EDNRB: variants seen among roughly 807,000 people sequenced by gnomAD.
EDNRB encodes Hirschsprung disease 2.
In EDNRB, 18 loss-of-function variants were observed where a neutral mutation model predicts 46.4. That is an observed-to-expected ratio of 0.39 (90% CI 0.27 to 0.57). The LOEUF is 0.57. EDNRB is among the 20% of genes least tolerant of loss of function. The pLI, the probability that EDNRB is intolerant of heterozygous loss-of-function variation, is 0.61. For synonymous variants in EDNRB, 213 were observed against 204.9 expected (o/e 1.04, Z -0.34); for missense variants, 434 against 537.5 (o/e 0.81, Z 1.90).
At chr13:77,925,136 G>A (rs1880201126) in intron 1 of EDNRB, among the ~76,000 whole-genome samples, 1 of 152,174 alleles carries the variant, frequency 6.6e-6, no homozygotes, top group African/African-American at 2.4e-5. Context: ...TCATACAAAT[G>A]AAGTCATACT....
At chr13:77,968,657 T>C (rs922312638) in intron 1 of EDNRB, among the ~76,000 whole-genome samples, 2 of 152,162 alleles carry the variant, frequency 1.3e-5, no homozygotes, top group Admixed American at 1.3e-4. Flanking sequence ...AGAGAGCATG[T>C]GCTACGGATG....
At chr13:77,962,011 A>G (rs535596957) in intron 1 of EDNRB, among the ~76,000 whole-genome samples, 1 of 152,334 alleles carries the variant, frequency 6.6e-6, no homozygotes, top group Non-Finnish European at 1.5e-5. Context: ...CCTCTACGCA[A>G]ATAAACTAGA....
At chr13:77,927,375 G>A (rs539528053) in intron 1 of EDNRB, among the ~76,000 whole-genome samples, 44 of 152,276 alleles carry the variant, frequency 2.9e-4, no homozygotes, top group Non-Finnish European at 6.2e-4. Context: ...AATTATATAA[G>A]AAGAGTACAA....
At chr13:77,929,748 A>G (rs958016893) in intron 1 of EDNRB, among the ~76,000 whole-genome samples, 4 of 152,276 alleles carry the variant, frequency 2.6e-5, no homozygotes, top group Admixed American at 2.6e-4. Context: ...GGACTTCAGG[A>G]ACGCTGACTC....
chr13:77,947,250 T>G (rs1387824344), intron 1 of EDNRB, among the ~76,000 whole-genome samples: 1 of 152,078 alleles, frequency 6.6e-6, no homozygotes, highest in African/African-American at 2.4e-5. Flanking sequence ...ATAAAGAGGT[T>G]GGTTTTTATT....
At chr13:77,917,976 G>T in intron 1 of EDNRB, 115 bp downstream of exon 1, 3 of 1,515,146 alleles carry the variant, frequency 2.0e-6, no homozygotes, top group Non-Finnish European at 2.7e-6. Flanking sequence ...TTTAGGAGGG[G>T]CAGAACCTTA....
At chr13:77,940,408 T>C (rs533557530) in intron 1 of EDNRB, among the ~76,000 whole-genome samples, 1 of 152,020 alleles carries the variant, frequency 6.6e-6, no homozygotes, top group Non-Finnish European at 1.5e-5. Flanking sequence ...AAAATGGAGA[T>C]AGGGGATTTC....
chr13:77,941,562 C>T (rs974475893), intron 1 of EDNRB, among the ~76,000 whole-genome samples: 28 of 152,200 alleles, frequency 1.8e-4, no homozygotes, highest in African/African-American at 6.8e-4. Context: ...AGCTCATTTT[C>T]CTCACAGCAG....
At chr13:77,954,482 T>TTATTTATG in intron 1 of EDNRB, among the ~76,000 whole-genome samples, 1 of 34,524 alleles carries the variant, frequency 2.9e-5, no homozygotes, top group Non-Finnish European at 5.1e-5. Flanking sequence ...AAGAAAGTAT[T>TTATTTATG]TATTTATTTA....
At chr13:77,952,341 T>C (rs987435864) in intron 1 of EDNRB, among the ~76,000 whole-genome samples, 1 of 152,158 alleles carries the variant, frequency 6.6e-6, no homozygotes, top group Non-Finnish European at 1.5e-5. Flanking sequence ...ATCAGTGTTA[T>C]TATCTTTAAA....
intron 1 of EDNRB, among the ~76,000 whole-genome samples, chr13:77,962,083 G>T (rs568759795): frequency 6.6e-6 from 1 of 152,190 alleles, no homozygotes; most frequent in East Asian, 1.9e-4. Context: ...AAACCAGGAA[G>T]AAGTTAAATC....
chr13:77,953,666 T>C (rs1374790290), intron 1 of EDNRB, among the ~76,000 whole-genome samples: 1 of 152,114 alleles, frequency 6.6e-6, no homozygotes, highest in Admixed American at 6.6e-5. Context: ...CATATGTGTG[T>C]TTGAATGGAA....
chr13:77,925,914 A>G (rs1171049994), intron 1 of EDNRB, among the ~76,000 whole-genome samples: 2 of 152,226 alleles, frequency 1.3e-5, no homozygotes, highest in Non-Finnish European at 2.9e-5. Flanking sequence ...ACAGGGGCAG[A>G]GCTGCCCAAG....
chr13:77,916,714 A>G (rs1382131116), intron 1 of EDNRB, among the ~76,000 whole-genome samples: 2 of 152,160 alleles, frequency 1.3e-5, no homozygotes, highest in Admixed American at 6.5e-5. Context: ...CCAACTTTAC[A>G]TTCCATTTTT....
chr13:77,973,837 T>C (rs983758385), intron 1 of EDNRB, among the ~76,000 whole-genome samples: 2 of 152,092 alleles, frequency 1.3e-5, no homozygotes, highest in East Asian at 1.9e-4. Flanking sequence ...TTCTGACTTA[T>C]TACAAATATT....
intron 1 of EDNRB, among the ~76,000 whole-genome samples, chr13:77,943,387 C>A (rs1410380108): frequency 2.0e-5 from 3 of 152,074 alleles, no homozygotes; most frequent in East Asian, 3.8e-4. Context: ...TCATGCATTT[C>A]ATCTCTCTCT....
intron 3 of EDNRB, among the ~76,000 whole-genome samples, chr13:77,901,516 C>T (rs1878984157): frequency 6.6e-6 from 1 of 151,928 alleles, no homozygotes; most frequent in Non-Finnish European, 1.5e-5. Context: ...ACATAAGAAA[C>T]TTATCCTTAG....
chr13:77,922,862 A>T (rs1382711977), upstream of EDNRB, among the ~76,000 whole-genome samples: 1 of 152,216 alleles, frequency 6.6e-6, no homozygotes, highest in Admixed American at 6.5e-5. Context: ...ATTCTTTAAA[A>T]GTGGTAAAAT....
At chr13:77,941,303 T>G (rs1297790687) in intron 1 of EDNRB, among the ~76,000 whole-genome samples, 4 of 152,208 alleles carry the variant, frequency 2.6e-5, no homozygotes, top group African/African-American at 4.8e-5. Flanking sequence ...TTGGATAATT[T>G]TTTTTAACTA....
Sources: allele counts gnomAD v4.1 joint callset (sites outside exome capture counted in the v4.1 genomes callset), GRCh38; gene constraint gnomAD v4.1.1; transcripts MANE v1.5; gene names NCBI Gene and HGNC (gene_info 2026-07-23, HGNC 2026-07-21).